Variants in CDH12 observed in about 807,000 individuals in gnomAD.
CDH12 encodes cadherin 12.
In CDH12, 41 loss-of-function variants were observed where a neutral mutation model predicts 74.1. The observed-to-expected ratio is 0.55, with a 90% confidence interval of 0.43 to 0.72. The LOEUF (loss-of-function observed/expected upper bound fraction) is 0.72, where lower values mean the gene tolerates loss of function less well. Ranked by LOEUF, CDH12 falls within the 30% of genes least tolerant of loss-of-function variation. The pLI is 0.00. For missense variants in CDH12, 945 were observed against 977.2 expected, an observed-to-expected ratio of 0.97 and a Z score of 0.44; for synonymous variants, 399 against 355.0, an observed-to-expected ratio of 1.12 and a Z score of -1.39.
intron 1 of CDH12, among the ~76,000 whole-genome samples, chr5:22,815,246 C>A (rs1301437716): frequency 6.6e-6 from 1 of 152,042 alleles, no homozygotes; most frequent in Non-Finnish European, 1.5e-5. Context: ...TGAATTTGGG[C>A]ATATTTTGTA....
rs1737468158 is a variant in CDH12 at position 22,529,210 on chromosome 5, GAGAGAGAGAGAGAGA to G, written c.-522-23861_-522-23847del. Among the ~76,000 whole-genome samples, 7 of 141,894 alleles carry G rather than the reference GAGAGAGAGAGAGAGA, an allele frequency of 4.9e-5. No homozygotes were observed. In the South Asian group the frequency reaches 1.3e-3, roughly 27 times the overall value. 93.1% of individuals were successfully genotyped at this position (141,894 alleles called of 152,430 possible). ...ATATAGAGAGAGAGAGAGAGAGAGA[GAGAGAGAGAGAGAGA>G]AGAGAGAGAGAGAGATTTATTATAA... On this transcript the variant is annotated intron_variant, in intron 1 of 14. Coordinates refer to ENST00000382254, the MANE Select transcript of CDH12 (RefSeq NM_004061.5).
chr5:22,684,532 C>T (rs1210984318), intron 1 of CDH12, among the ~76,000 whole-genome samples: 1 of 152,188 alleles, frequency 6.6e-6, no homozygotes, highest in Admixed American at 6.5e-5. Context: ...CTGCGTATGC[C>T]ATTACCAGCT....
chr5:22,793,324 T>C (rs946342293), intron 1 of CDH12, among the ~76,000 whole-genome samples: 1 of 152,174 alleles, frequency 6.6e-6, no homozygotes, highest in African/African-American at 2.4e-5. Context: ...TTATAGATTA[T>C]TTTTCTGCTA....
chr5:22,557,176 C>T (rs576026442), intron 1 of CDH12, among the ~76,000 whole-genome samples: 1 of 152,106 alleles, frequency 6.6e-6, no homozygotes, highest in Admixed American at 6.6e-5. Context: ...AACATATATT[C>T]ATATAATTAA....
At chr5:21,932,584 C>A (rs139046408) in intron 6 of CDH12, among the ~76,000 whole-genome samples, 1 of 151,850 alleles carries the variant, frequency 6.6e-6, no homozygotes, top group East Asian at 1.9e-4. Context: ...GCACATCATT[C>A]AAAAAATAAA....
At chr5:22,722,701 A>G (rs1213475034) in intron 1 of CDH12, among the ~76,000 whole-genome samples, 1 of 152,188 alleles carries the variant, frequency 6.6e-6, no homozygotes, top group Non-Finnish European at 1.5e-5. Flanking sequence ...CATCATACAT[A>G]TGTCCCCTTG....
At chr5:21,929,523 G>C (rs1754741451) in intron 6 of CDH12, among the ~76,000 whole-genome samples, 1 of 151,954 alleles carries the variant, frequency 6.6e-6, no homozygotes, top group African/African-American at 2.4e-5. Context: ...CAGAGCTCAG[G>C]TGGTAATGCA....
intron 1 of CDH12, among the ~76,000 whole-genome samples, chr5:22,744,134 A>G (rs891195018): frequency 5.9e-5 from 9 of 152,136 alleles, no homozygotes; most frequent in African/African-American, 2.2e-4. Context: ...TTAACATTTT[A>G]AAACTCCAGT....
At chr5:22,760,700 A>C (rs1410144245) in intron 1 of CDH12, among the ~76,000 whole-genome samples, 10 of 131,530 alleles carry the variant, frequency 7.6e-5, no homozygotes, top group Non-Finnish European at 1.1e-4. Flanking sequence ...AAAAAAAAAA[A>C]CAAAAAAAAA....
chr5:22,594,768 C>T (rs1291577344), intron 1 of CDH12, among the ~76,000 whole-genome samples: 1 of 151,898 alleles, frequency 6.6e-6, no homozygotes, highest in Admixed American at 6.6e-5. Flanking sequence ...TTTATTGCAT[C>T]TTGATATTTG....
chr5:22,477,376 T>A (rs1348845584), intron 2 of CDH12, among the ~76,000 whole-genome samples: 1 of 152,164 alleles, frequency 6.6e-6, no homozygotes, highest in Non-Finnish European at 1.5e-5. Flanking sequence ...CTAAAGATAA[T>A]GGCATCTAGC....
At chr5:22,383,544 T>C (rs1385925286) in intron 3 of CDH12, among the ~76,000 whole-genome samples, 2 of 152,218 alleles carry the variant, frequency 1.3e-5, no homozygotes, top group Non-Finnish European at 2.9e-5. Context: ...GGTTGAAGTA[T>C]AGAACACACT....
chr5:22,278,897 T>C (rs1476906569), intron 3 of CDH12, among the ~76,000 whole-genome samples: 2 of 152,182 alleles, frequency 1.3e-5, no homozygotes, highest in East Asian at 3.8e-4. Context: ...TTCAAATCTC[T>C]TTGGATGAAT....
intron 4 of CDH12, among the ~76,000 whole-genome samples, chr5:22,173,314 T>A (rs990383532): frequency 1.7e-4 from 25 of 146,802 alleles, no homozygotes; most frequent in African/African-American, 6.1e-4. Flanking sequence ...AATTTACATT[T>A]TATAAATCTA....
At chr5:22,214,894 C>T (rs1241227784) in intron 3 of CDH12, among the ~76,000 whole-genome samples, 1 of 152,176 alleles carries the variant, frequency 6.6e-6, no homozygotes, top group Non-Finnish European at 1.5e-5. Flanking sequence ...AGTATGATGA[C>T]TCTTCAGTAG....
At chr5:22,285,881 A>G (rs546379618) in intron 3 of CDH12, among the ~76,000 whole-genome samples, 2 of 152,294 alleles carry the variant, frequency 1.3e-5, no homozygotes, top group Admixed American at 1.3e-4. Context: ...GGCACTAAAG[A>G]AAGTGAACTC....
chr5:22,833,578 A>G (rs575755574), intron 1 of CDH12, among the ~76,000 whole-genome samples: 1 of 152,324 alleles, frequency 6.6e-6, no homozygotes, highest in East Asian at 1.9e-4. Flanking sequence ...GTTTGTACAT[A>G]TTTGGAATAT....
intron 1 of CDH12, among the ~76,000 whole-genome samples, chr5:22,535,363 AG>A (rs1737797563): frequency 1.3e-5 from 2 of 151,822 alleles, no homozygotes; most frequent in South Asian, 2.1e-4. Context: ...TCACCGTGTT[AG>A]CCAGGATGGT....
intron 2 of CDH12, among the ~76,000 whole-genome samples, chr5:22,466,758 G>T (rs2126596615): frequency 6.9e-6 from 1 of 144,258 alleles, no homozygotes; most frequent in African/African-American, 2.5e-5. Flanking sequence ...GAAAAATGAG[G>T]CATGGCTCCT....
Sources: allele counts gnomAD v4.1 joint callset (sites outside exome capture counted in the v4.1 genomes callset), GRCh38; gene constraint gnomAD v4.1.1; transcripts MANE v1.5; gene names NCBI Gene and HGNC (gene_info 2026-07-23, HGNC 2026-07-21).